The following MX1 variants were observed in gnomAD, a reference collection of about 807,000 sequenced individuals.
MX1 encodes interferon-induced GTP-binding protein Mx1.
Under a neutral mutation model 66.4 loss-of-function variants are expected in MX1, and 66 were observed. That is an observed-to-expected ratio of 0.99 (90% CI 0.82 to 1.22). The LOEUF (loss-of-function observed/expected upper bound fraction) is 1.22. Among genes scored for constraint, MX1 ranks in the 50% most tolerant of loss-of-function variants. The probability of loss-of-function intolerance (pLI) is 0.00; values close to 1 mark genes in which losing one functional copy is unlikely to be tolerated. For synonymous variants in MX1, 311 were observed against 318.1 expected, an observed-to-expected ratio of 0.98 and a Z score of 0.24; for missense variants, 787 against 834.3, an observed-to-expected ratio of 0.94 and a Z score of 0.70.
Position 41,452,630 on chromosome 21 carries a change from G to T in MX1, c.1519G>T (p.Glu507Ter). ...NLHRTAKSKI[E>*]DIRAEQEREG... ...TTATTTTTTACTGTAGTCCAAAATT[G>T]AAGACATTAGAGCAGAACAAGAGAG... The change falls in exon 16 of 17, where the codon GAA (glutamate) becomes TAA (stop). Residue 507 changes from glutamate (E) to a stop codon, truncating the protein, a stop_gained. Transcript: ENST00000398598. LOFTEE classifies it high-confidence loss of function. 6.3e-7 allele frequency: 1 copy of T among 1,598,436 alleles called. No individual in the cohort carries two copies. Among genetic ancestry groups the T allele is most frequent in the Non-Finnish European group, 8.5e-7 (1 of 1,174,490 alleles).
chr21:41,434,444 G>A (rs1461980500), intron 5 of MX1, among the ~76,000 whole-genome samples: 4 of 152,108 alleles, frequency 2.6e-5, no homozygotes, highest in East Asian at 1.9e-4. Flanking sequence ...TCTATTTAAT[G>A]TGACTGGTAA....
intron 3 of MX1, chr21:41,429,035 A>G (rs1363872816): frequency 1.3e-5 from 2 of 152,170 alleles, no homozygotes; most frequent in African/African-American, 2.4e-5. Context: ...GAGGGCTGGA[A>G]CCCTGCAGCC....
chr21:41,422,926 A>C (rs2090007383), upstream of MX1: 2 of 152,234 alleles, frequency 1.3e-5, no homozygotes, highest in African/African-American at 4.8e-5. Flanking sequence ...GTGATTGCAC[A>C]CGAGTCCCTC....
intron 5 of MX1, among the ~76,000 whole-genome samples, chr21:41,433,195 C>T (rs458939): frequency 0.64 from 97,693 of 152,124 alleles, 33,519 homozygotes; most frequent in East Asian, 0.99. Context: ...GGGAAGTTGA[C>T]TGAAATGCAA....
At chr21:41,456,728 T>A (rs187753170) in intron 16 of MX1, among the ~76,000 whole-genome samples, 3 of 151,966 alleles carry the variant, frequency 2.0e-5, no homozygotes, top group Admixed American at 2.0e-4. Flanking sequence ...CACTGGCCGC[T>A]TTAGTCTGCA....
At chr21:41,424,262 T>TGTGTG (rs1568960663), upstream of MX1, among the ~76,000 whole-genome samples, 1 of 144,112 alleles carries the variant, frequency 6.9e-6, no homozygotes, top group Non-Finnish European at 1.5e-5. Flanking sequence ...TGTGTGTGTG[T>TGTGTG]TAAAGTGAGG....
rs1340409464 is a variant in MX1, at chr21:41,449,158, A to G, written c.1295A>G (p.Lys432Arg). The change falls in exon 14 of 17, where the codon AAA (lysine) becomes AGA (arginine). Residue 432 changes from lysine to arginine, a missense_variant. Coordinates refer to ENST00000398598, the MANE Select transcript of MX1 (RefSeq NM_002462.5). The part of the protein sequence containing the change: ...FQEGHKILSR[K>R]IQKFENQYRG... ...ATAGGCCATAAAATTTTGAGTAGAA[A>G]AATCCAGAAATTTGAAAATCAGTAT... is the stretch of plus-strand genomic sequence containing the variant. 1.9e-6 allele frequency: 3 copies of G among 1,611,784 alleles called. No homozygotes were observed. The African/African-American group carries it at 4.0e-5, about 22-fold the overall frequency.
intron 14 of MX1, chr21:41,449,531 C>T: frequency 2.5e-6 from 1 of 397,746 alleles, no homozygotes; most frequent in Non-Finnish European, 4.4e-6. Context: ...ACACTGGCCC[C>T]AACTACAAAT....
At chr21:41,434,339 T>C (rs966104536) in intron 5 of MX1, among the ~76,000 whole-genome samples, 1 of 152,246 alleles carries the variant, frequency 6.6e-6, no homozygotes, top group Non-Finnish European at 1.5e-5. Flanking sequence ...TTGATTACTT[T>C]AGTTTTATAG....
chr21:41,437,340 A>T (rs938890689), intron 7 of MX1, among the ~76,000 whole-genome samples, 188 bp downstream of exon 7: 5 of 152,132 alleles, frequency 3.3e-5, no homozygotes, highest in Admixed American at 3.3e-4. Context: ...AGCATCTGAT[A>T]GCAATCATTT....
chr21:41,451,979 C>G (rs1254160913), intron 15 of MX1, among the ~76,000 whole-genome samples: 2 of 152,114 alleles, frequency 1.3e-5, no homozygotes, highest in Non-Finnish European at 2.9e-5. Context: ...AGATGAGGAG[C>G]CTGGCCCCAT....
intron 16 of MX1, among the ~76,000 whole-genome samples, chr21:41,454,070 T>A (rs1323849887): frequency 6.6e-6 from 1 of 151,356 alleles, no homozygotes; most frequent in Non-Finnish European, 1.5e-5. Context: ...TCTGACTGCA[T>A]TAATGGAGAT....
At position 41,449,164 on chromosome 21, in the gene MX1, A is replaced by T; in HGVS notation, c.1301A>T (p.Gln434Leu). Residue 434 changes from glutamine to leucine, a missense_variant, in exon 14 of 17, where the codon CAG (glutamine) becomes CTG (leucine). Physicochemically the swap from Gln to Leu is moderately radical, Grantham distance 113. Coordinates refer to ENST00000398598, the MANE Select transcript of MX1 (RefSeq NM_002462.5). ...EGHKILSRKI[Q>L]KFENQYRGRE... The stretch of plus-strand genomic sequence containing the variant: ...CATAAAATTTTGAGTAGAAAAATCC[A>T]GAAATTTGAAAATCAGTATCGTGGT... 6.2e-7 allele frequency: 1 copy of T among 1,612,278 alleles called. No individual in the cohort carries two copies. The highest frequency in any genetic ancestry group is 8.5e-7 in the Non-Finnish European group (1 of 1,179,494).
At chr21:41,452,556 T>A in intron 15 of MX1, 65 bp from the exon 16 acceptor site, 1 of 1,525,200 alleles carries the variant, frequency 6.6e-7, no homozygotes, top group South Asian at 1.3e-5. Context: ...ACTTCTTACC[T>A]ACTTTCCTGT....
chr21:41,430,588 T>C lies in MX1; in HGVS notation c.-42T>C, dbSNP rs2090185202. On this transcript the variant is annotated 5_prime_UTR_variant, in exon 4 of 17. Transcript: ENST00000398598. Reference sequence around the variant, plus strand: ...TTTAACTTGTTGACATTACTTTTATTTGAAGGAACGTATATTAGAGGTAAG... The same window carrying C: ...TTTAACTTGTTGACATTACTTTTATCTGAAGGAACGTATATTAGAGGTAAG... 6.6e-6 allele frequency: 1 copy of C among 152,186 alleles called. No individual in the cohort carries two copies. The highest frequency in any genetic ancestry group is 1.5e-5 in the Non-Finnish European group (1 of 68,030). 9.4% of individuals were successfully genotyped at this position (152,186 alleles called of 1,614,324 possible).
intron 5 of MX1, among the ~76,000 whole-genome samples, chr21:41,433,266 A>G (rs1327277726): frequency 2.6e-5 from 4 of 152,136 alleles, no homozygotes; most frequent in Non-Finnish European, 5.9e-5. Flanking sequence ...GGCAGGGCCC[A>G]CCCCCTGTGC....
At chr21:41,443,616 C>T in intron 10 of MX1, 172 bp from the exon 11 acceptor site, 2 of 649,106 alleles carry the variant, frequency 3.1e-6, no homozygotes, top group South Asian at 1.8e-5. Context: ...TGCTAAAATT[C>T]AGTCATAATC....
In MX1 at chr21:41,435,962, G is replaced by A. The variant is rs563466649; in HGVS notation, c.231G>A (p.Gly77=). 16 of 1,614,110 alleles carry A rather than the reference G, an allele frequency of 9.9e-6. No homozygotes were observed. Among genetic ancestry groups the A allele is most frequent in the Non-Finnish European group, 1.4e-5 (16 of 1,180,046 alleles). Residue 77 remains glycine, a synonymous_variant, in exon 6 of 17, where the codon GGG becomes GGA. Coordinates refer to ENST00000398598, the MANE Select transcript of MX1 (RefSeq NM_002462.5). ...CCCTGCCAGCCATCGCCGTCATCGG[G>A]GACCAGAGCTCGGGCAAGAGCTCCG... ...DLALPAIAVI[G]DQSSGKSSVL... is the part of the protein sequence containing the mutation.
Position 41,437,146 on chromosome 21 carries a change from A to T in MX1, c.430A>T (p.Asn144Tyr), listed in dbSNP as rs778070230. Reference sequence around the variant, plus strand: ...TGCTTCAGAGGTAGAAAAGGAAATTAATAAAGGTGAGTACCCCCTGTTTGG... The same window carrying T: ...TGCTTCAGAGGTAGAAAAGGAAATTTATAAAGGTGAGTACCCCCTGTTTGG... ...SDASEVEKEINKAQNAIAGEG... is the reference protein window; with the variant it reads ...SDASEVEKEIYKAQNAIAGEG... Residue 144 changes from asparagine to tyrosine, a missense_variant, in exon 7 of 17, where the codon AAT becomes TAT. By Grantham distance (143) the Asn-to-Tyr change is moderately radical. Coordinates refer to ENST00000398598, the MANE Select transcript of MX1 (RefSeq NM_002462.5). The T allele has an allele frequency of 4.6e-5, 75 of 1,613,832 alleles. No homozygotes were observed. Among genetic ancestry groups the T allele is most frequent in the Non-Finnish European group, 6.3e-5 (74 of 1,179,922 alleles).
Sources: gnomAD v4.1 joint callset for allele counts (sites outside exome capture counted in the v4.1 genomes callset) on GRCh38, gnomAD v4.1.1 for gene constraint, MANE v1.5 for transcripts, NCBI Gene and HGNC (gene_info 2026-07-23, HGNC 2026-07-21) for gene names.